The following SPATS2 variants were observed in gnomAD, a reference collection of about 807,000 sequenced individuals.
SPATS2 encodes the protein spermatogenesis-associated serine-rich protein 2.
Under a neutral mutation model 63.7 loss-of-function variants are expected in SPATS2, and 38 were observed. The observed-to-expected ratio is 0.60, with a 90% CI of 0.46 to 0.78. The LOEUF (loss-of-function observed/expected upper bound fraction) is 0.78, where lower values mean the gene tolerates loss of function less well. Among genes scored for constraint, SPATS2 ranks in the 30% least tolerant of loss-of-function variants. The pLI, the probability that SPATS2 is intolerant of heterozygous loss-of-function variation, is 0.00. For missense variants in SPATS2, 588 were observed against 666.2 expected (o/e 0.88, Z 1.29); for synonymous variants, 207 against 232.9 (o/e 0.89, Z 1.01).
intron 2 of SPATS2, among the ~76,000 whole-genome samples, chr12:49,409,406 C>T (rs371465395): frequency 4.0e-5 from 6 of 151,422 alleles, no homozygotes; most frequent in East Asian, 3.9e-4. Context: ...CCCGGGTTCA[C>T]GCCATTCTCC....
chr12:49,524,656 A>G (rs199850873), intron 12 of SPATS2, 26 bp from the exon 13 acceptor site: 1,083 of 1,609,418 alleles, frequency 6.7e-4, no homozygotes, highest in Non-Finnish European at 8.3e-4. Flanking sequence ...TCATATGATC[A>G]TATATTCCTC....
chr12:49,476,908 C>G (rs1375521326), intron 3 of SPATS2, among the ~76,000 whole-genome samples: 1 of 152,182 alleles, frequency 6.6e-6, no homozygotes, highest in Non-Finnish European at 1.5e-5. Flanking sequence ...GAGTTTGAAA[C>G]CAGCCTGACC....
chr12:49,436,953 A>AG (rs1565721407), intron 2 of SPATS2, among the ~76,000 whole-genome samples: 2 of 123,022 alleles, frequency 1.6e-5, no homozygotes, highest in African/African-American at 3.1e-5. Flanking sequence ...CTGGCCGGGC[A>AG]GGGGGCTAAC....
At chr12:49,501,238 T>C (rs1046732852) in intron 9 of SPATS2, among the ~76,000 whole-genome samples, 1 of 152,184 alleles carries the variant, frequency 6.6e-6, no homozygotes, top group African/African-American at 2.4e-5. Context: ...AATAGAGATT[T>C]ATTTTTTACA....
Position 49,469,293 on chromosome 12 carries a change from G to A in SPATS2, c.25+8256G>A, listed in dbSNP as rs371074668. Among the ~76,000 whole-genome samples, 105 of 151,058 alleles carry A rather than the reference G, an allele frequency of 7.0e-4. No homozygotes were observed. The East Asian group carries it at 0.018, about 25-fold the overall frequency. ...TAATCCCAGCTCCTTGAGAGGCTGAGGCAGGAGAATCACTTGAACCCAGGA... is the reference window on the plus strand; with the variant it reads ...TAATCCCAGCTCCTTGAGAGGCTGAAGCAGGAGAATCACTTGAACCCAGGA... On this transcript the variant is annotated intron_variant, in intron 3 of 13. Coordinates refer to ENST00000552918, the MANE Select transcript of SPATS2 (RefSeq NM_023071.4).
chr12:49,525,646 G>A (rs930546634), intron 13 of SPATS2, among the ~76,000 whole-genome samples: 9 of 151,572 alleles, frequency 5.9e-5, no homozygotes, highest in Admixed American at 1.3e-4. Context: ...TTGTCCAATC[G>A]AGGGCTTGTA....
intron 2 of SPATS2, among the ~76,000 whole-genome samples, chr12:49,403,254 A>G (rs1276118276): frequency 6.6e-6 from 1 of 150,840 alleles, no homozygotes; most frequent in African/African-American, 2.4e-5. Flanking sequence ...AAGGCGGAGG[A>G]GCTGGAGCTC....
chr12:49,393,800 A>G (rs1242948461), intron 2 of SPATS2, among the ~76,000 whole-genome samples: 1 of 152,054 alleles, frequency 6.6e-6, no homozygotes, highest in Non-Finnish European at 1.5e-5. Context: ...ACCGAGGCTC[A>G]TCTATTTGTT....
At chr12:49,481,709 C>T (rs1307742762) in intron 3 of SPATS2, among the ~76,000 whole-genome samples, 2 of 151,854 alleles carry the variant, frequency 1.3e-5, no homozygotes, top group Non-Finnish European at 2.9e-5. Context: ...GTGATCCGCC[C>T]GCCTCAGCCT....
At chr12:49,460,732 C>T (rs768250854) in intron 2 of SPATS2, 38 bp from the exon 3 acceptor site, 77 of 419,276 alleles carry the variant, frequency 1.8e-4, no homozygotes, top group Non-Finnish European at 1.7e-4. Flanking sequence ...ATAGTCATTA[C>T]TGTAATAGTA....
chr12:49,446,997 C>T (rs1243381981), intron 2 of SPATS2, among the ~76,000 whole-genome samples: 2 of 151,488 alleles, frequency 1.3e-5, no homozygotes, highest in Admixed American at 6.6e-5. Context: ...GGCACGATCT[C>T]GGCTCACTGC....
chr12:49,449,567 C>G (rs992879092), intron 2 of SPATS2, among the ~76,000 whole-genome samples: 1 of 152,146 alleles, frequency 6.6e-6, no homozygotes, highest in African/African-American at 2.4e-5. Context: ...CAAATAAAGA[C>G]ATATCTGAGA....
intron 2 of SPATS2, among the ~76,000 whole-genome samples, chr12:49,441,462 G>A (rs1270901): frequency 0.97 from 147,590 of 152,306 alleles, 71,568 homozygotes; most frequent in East Asian, 1. Context: ...TAAGTGGGCT[G>A]TCTTCCCCCT....
intron 3 of SPATS2, 176 bp downstream of exon 3, chr12:49,461,213 G>A (rs1261187014): frequency 3.0e-6 from 2 of 662,552 alleles, no homozygotes; most frequent in East Asian, 5.8e-5. Flanking sequence ...TATAACAATA[G>A]CTTTTCTACT....
At chr12:49,417,928 A>G (rs1323415073) in intron 2 of SPATS2, among the ~76,000 whole-genome samples, 1 of 152,134 alleles carries the variant, frequency 6.6e-6, no homozygotes, top group African/African-American at 2.4e-5. Context: ...TTGCCCAGGC[A>G]GTAGTGCAGT....
At chr12:49,436,440 G>GC (rs1945291752) in intron 2 of SPATS2, among the ~76,000 whole-genome samples, 1 of 144,466 alleles carries the variant, frequency 6.9e-6, no homozygotes, top group Non-Finnish European at 1.5e-5. Context: ...GGCTGGCCGG[G>GC]CAGAGGGGCT....
intron 2 of SPATS2, among the ~76,000 whole-genome samples, chr12:49,425,873 T>C (rs1945067353): frequency 6.6e-6 from 1 of 152,176 alleles, no homozygotes; most frequent in Non-Finnish European, 1.5e-5. Flanking sequence ...CCTCAAGCGA[T>C]CTGCCTGCCT....
rs377598172 is a variant in SPATS2, at chr12:49,497,229, G to A, written c.703+220G>A. Reference sequence around the variant, plus strand: ...AATGCTGTACAATCTACTTACGACGGCACGTTTTGTGAATTAAAGTCAAAC... The same window carrying A: ...AATGCTGTACAATCTACTTACGACGACACGTTTTGTGAATTAAAGTCAAAC... On this transcript the variant is annotated intron_variant, in intron 8 of 13. Transcript: ENST00000552918. 4.7e-4 allele frequency among the ~76,000 whole-genome samples: 72 copies of A among 152,260 alleles called. No homozygotes were observed. The South Asian group carries it at 0.012, about 26-fold the overall frequency.
In SPATS2 at chr12:49,526,367, T is replaced by G; in HGVS notation, c.*112T>G. 7.9e-7 allele frequency: 1 copy of G among 1,272,852 alleles called. No individual in the cohort carries two copies. The highest frequency in any genetic ancestry group is 1.6e-5 in the South Asian group (1 of 61,192). The allele number at this position is 1,272,852 out of a possible 1,614,324, so 78.8% of individuals were successfully genotyped here. A position where few individuals can be genotyped will look rare whatever the true frequency, so the allele number is the denominator to read the frequency against. The stretch of plus-strand genomic sequence containing the variant: ...CAAAAAGAAGTTTATGCGTATCACT[T>G]TTTGTGCCATTCTAAGTATTTTTGG... On this transcript the variant is annotated 3_prime_UTR_variant, in exon 14 of 14. Transcript: ENST00000552918.
Sources: allele counts gnomAD v4.1 joint callset (sites outside exome capture counted in the v4.1 genomes callset), GRCh38; gene constraint gnomAD v4.1.1; transcripts MANE v1.5; gene names NCBI Gene and HGNC (gene_info 2026-07-23, HGNC 2026-07-21).